The following CLVS1 variants were observed in gnomAD, a reference collection of about 807,000 sequenced individuals.
CLVS1 encodes clavesin-1.
In CLVS1, 10 loss-of-function variants were observed where a neutral mutation model predicts 33.1. That is an observed-to-expected ratio of 0.30 (90% CI 0.19 to 0.51). The LOEUF (loss-of-function observed/expected upper bound fraction) is 0.51, where lower values mean the gene tolerates loss of function less well. Ranked by LOEUF, CLVS1 falls within the 20% of genes least tolerant of loss-of-function variation. CLVS1 has a pLI of 0.97. For missense variants in CLVS1, 343 were observed against 433.4 expected (o/e 0.79, Z 1.85); for synonymous variants, 163 against 166.1 (o/e 0.98, Z 0.14).
At chr8:61,405,158 G>C (rs1295158936) in intron 3 of CLVS1, among the ~76,000 whole-genome samples, 4 of 152,176 alleles carry the variant, frequency 2.6e-5, no homozygotes, top group Non-Finnish European at 4.4e-5. Flanking sequence ...TCCTAGTCTT[G>C]TCTCTAGTCC....
At chr8:61,016,446 C>T in the CLVS1 span, among the ~76,000 whole-genome samples, 146 of 152,350 alleles carry the variant, frequency 9.6e-4, 1 homozygote, top group African/African-American at 3.4e-3. Context: ...CTCTGTCTGA[C>T]ATTATGACTA....
intron 5 of CLVS1, among the ~76,000 whole-genome samples, chr8:61,490,399 T>C (rs145340215): frequency 2.6e-4 from 40 of 151,854 alleles, no homozygotes; most frequent in Non-Finnish European, 5.6e-4. Flanking sequence ...CCGGGCTCTG[T>C]GGCTCACGCC....
In CLVS1 at chr8:61,120,125, A is replaced by G. The variant is rs1208005402; in HGVS notation, c.-242-11645A>G. 8.2e-5 allele frequency among the ~76,000 whole-genome samples: 12 copies of G among 146,638 alleles called. No individual in the cohort carries two copies. The South Asian group carries it at 2.7e-3, about 33-fold the overall frequency. On this transcript the variant is annotated intron_variant, in intron 1 of 2. Transcript: ENST00000522621. ...CTTCTCGCTTCATTTCATTCATTTC[A>G]TCTTCCATCGCTGATACCCTTTCTT...
At chr8:61,323,894 T>C (rs1811285309) in intron 2 of CLVS1, among the ~76,000 whole-genome samples, 1 of 152,238 alleles carries the variant, frequency 6.6e-6, no homozygotes, top group African/African-American at 2.4e-5. Flanking sequence ...ACATGCAGTG[T>C]TTTGTTTTCT....
At chr8:61,362,040 C>T (rs918077222) in intron 2 of CLVS1, among the ~76,000 whole-genome samples, 1 of 152,114 alleles carries the variant, frequency 6.6e-6, no homozygotes, top group African/African-American at 2.4e-5. Flanking sequence ...TGATTAATAT[C>T]AAGGGTAAGG....
chr8:61,484,047 C>G (rs1803771109), intron 5 of CLVS1, among the ~76,000 whole-genome samples: 3 of 152,186 alleles, frequency 2.0e-5, no homozygotes, highest in African/African-American at 4.8e-5. Context: ...CAGGGATGCC[C>G]TCTCTCACCA....
intron 1 of CLVS1, among the ~76,000 whole-genome samples, chr8:61,112,954 G>A (rs1805656095): frequency 6.6e-6 from 1 of 152,188 alleles, no homozygotes; most frequent in Non-Finnish European, 1.5e-5. Context: ...GATGCTTGGT[G>A]CAGACAGTAC....
intron 3 of CLVS1, among the ~76,000 whole-genome samples, chr8:61,387,483 TTTTTA>T (rs903283264): frequency 4.7e-5 from 7 of 149,526 alleles, no homozygotes; most frequent in African/African-American, 7.3e-5. Flanking sequence ...TTTTTTTTTT[TTTTTA>T]AATTTCAATA....
chr8:61,415,517 A>C (rs1279760499), intron 3 of CLVS1, among the ~76,000 whole-genome samples: 2 of 152,188 alleles, frequency 1.3e-5, no homozygotes, highest in Non-Finnish European at 2.9e-5. Flanking sequence ...AAGGTAAAAA[A>C]CTTTATTCAA....
intron 2 of CLVS1, among the ~76,000 whole-genome samples, chr8:61,248,468 CA>C (rs1808863519): frequency 6.6e-6 from 1 of 151,974 alleles, no homozygotes; most frequent in African/African-American, 2.4e-5. Context: ...TTTCTTTGAG[CA>C]ATGTTTTATA....
chr8:61,482,156 C>T (rs1310349638), intron 5 of CLVS1, among the ~76,000 whole-genome samples: 1 of 152,218 alleles, frequency 6.6e-6, no homozygotes, highest in African/African-American at 2.4e-5. Context: ...AGAAGGAAAA[C>T]TAACAAACAG....
intron 3 of CLVS1, among the ~76,000 whole-genome samples, chr8:61,445,629 T>A (rs1393294285): frequency 6.6e-6 from 1 of 152,182 alleles, no homozygotes; most frequent in African/African-American, 2.4e-5. Flanking sequence ...ATTTGTTTGA[T>A]CTCAGGTATT....
At chr8:61,375,858 T>C (rs2129601529) in intron 2 of CLVS1, among the ~76,000 whole-genome samples, 1 of 152,308 alleles carries the variant, frequency 6.6e-6, no homozygotes, top group East Asian at 1.9e-4. Context: ...CTGAAAATTA[T>C]TTAAAACAAA....
chr8:61,041,614 T>G, the CLVS1 span, among the ~76,000 whole-genome samples: 1 of 152,286 alleles, frequency 6.6e-6, no homozygotes, highest in South Asian at 2.1e-4. Context: ...GCATTCCTGA[T>G]TTGGCTCTCT....
the CLVS1 span, among the ~76,000 whole-genome samples, chr8:61,001,051 CATT>C: frequency 6.6e-6 from 1 of 152,164 alleles, no homozygotes; most frequent in Non-Finnish European, 1.5e-5. Flanking sequence ...AAGTTATTAT[CATT>C]ATTATTTTAG....
intron 2 of CLVS1, among the ~76,000 whole-genome samples, chr8:61,153,061 C>A (rs193182937): frequency 6.6e-6 from 1 of 151,952 alleles, no homozygotes; most frequent in African/African-American, 2.4e-5. Context: ...CCAGCCACTC[C>A]GGAGGCTGAG....
chr8:61,397,218 T>C (rs762175651), intron 3 of CLVS1, among the ~76,000 whole-genome samples: 6 of 152,150 alleles, frequency 3.9e-5, no homozygotes, highest in Non-Finnish European at 8.8e-5. Context: ...ATTTTTGTTC[T>C]TGTTTTTTTA....
chr8:61,017,783 G>T, the CLVS1 span, among the ~76,000 whole-genome samples: 22 of 147,100 alleles, frequency 1.5e-4, no homozygotes, highest in East Asian at 2.7e-3. Context: ...GATCAGGGCT[G>T]GGGGGGCTCC....
intron 2 of CLVS1, among the ~76,000 whole-genome samples, chr8:61,353,720 A>AT (rs1812568913): frequency 1.3e-5 from 2 of 149,460 alleles, no homozygotes; most frequent in South Asian, 4.2e-4. Context: ...AGCAAGCAGA[A>AT]TAAAAAAAAA....
Sources: allele counts gnomAD v4.1 joint callset (sites outside exome capture counted in the v4.1 genomes callset), GRCh38; gene constraint gnomAD v4.1.1; transcripts MANE v1.5; gene names NCBI Gene and HGNC (gene_info 2026-07-23, HGNC 2026-07-21).